The following CHLSN variants were observed in gnomAD, a reference collection of about 807,000 sequenced individuals.
CHLSN encodes protein cholesin.
At chr7:997,188 C>T in the CHLSN span, 5 of 156,584 alleles carry the variant, frequency 3.2e-5, 1 homozygote, top group South Asian at 1.0e-3. Context: ...ACCAGGAATG[C>T]GGCCCACGCA....
At chr7:1,012,273 T>C in the CHLSN span, among the ~76,000 whole-genome samples, 1 of 152,136 alleles carries the variant, frequency 6.6e-6, no homozygotes, top group Non-Finnish European at 1.5e-5. Context: ...CCTGAGCAGG[T>C]GGGCAGGGCC....
the CHLSN span, among the ~76,000 whole-genome samples, chr7:989,827 G>T: frequency 9.4e-5 from 14 of 148,498 alleles, no homozygotes; most frequent in African/African-American, 3.2e-4. Context: ...CATGTGCTGG[G>T]GGCGGTGTGG....
the CHLSN span, among the ~76,000 whole-genome samples, chr7:1,075,147 C>T: frequency 6.6e-6 from 1 of 152,206 alleles, no homozygotes; most frequent in Non-Finnish European, 1.5e-5. Flanking sequence ...CTGAATTCTC[C>T]TGAGGACCAA....
chr7:1,045,595 C>T, the CHLSN span: 2 of 152,220 alleles, frequency 1.3e-5, no homozygotes, highest in Non-Finnish European at 1.5e-5. Context: ...ACCGTCCTAA[C>T]TGGGGCACCG....
the CHLSN span, among the ~76,000 whole-genome samples, chr7:1,001,610 C>T: frequency 5.5e-5 from 5 of 91,338 alleles, no homozygotes; most frequent in African/African-American, 2.3e-4. Context: ...GGTGGGGGGT[C>T]CTGCCGGTGG....
chr7:1,114,682 T>A, the CHLSN span, among the ~76,000 whole-genome samples: 1 of 152,184 alleles, frequency 6.6e-6, no homozygotes, highest in Non-Finnish European at 1.5e-5. Context: ...AAAGAGATGG[T>A]GATCAGGAAC....
the CHLSN span, among the ~76,000 whole-genome samples, chr7:1,023,623 A>ACG: frequency 8.3e-6 from 1 of 120,370 alleles, no homozygotes; most frequent in South Asian, 2.9e-4. This position sits in a 1 kb window ranked among gnomAD's most constrained non-coding sequence, Gnocchi z 5.0. Context: ...TCCTCCCAGG[A>ACG]AACACACACA....
the CHLSN span, chr7:984,564 G>C: frequency 6.4e-7 from 1 of 1,561,636 alleles, no homozygotes; most frequent in Non-Finnish European, 8.6e-7. Flanking sequence ...AGCTCATCCA[G>C]CGAGGTGGAG....
chr7:1,091,860 T>C, the CHLSN span: 1 of 1,612,720 alleles, frequency 6.2e-7, no homozygotes, highest in Non-Finnish European at 8.5e-7. Context: ...CCCTGGCCAA[T>C]GGGACAGGTG....
the CHLSN span, among the ~76,000 whole-genome samples, chr7:1,015,943 C>A: frequency 6.6e-6 from 1 of 152,160 alleles, no homozygotes; most frequent in African/African-American, 2.4e-5. Context: ...CTCCTGACGC[C>A]CCTCAGTGAC....
the CHLSN span, among the ~76,000 whole-genome samples, chr7:1,133,468 C>T: frequency 0.017 from 2,592 of 150,594 alleles, 88 homozygotes; most frequent in East Asian, 0.17. Flanking sequence ...CACCCAAGTG[C>T]GGCCAGGCAC....
the CHLSN span, chr7:997,664 C>T: frequency 6.2e-7 from 1 of 1,609,968 alleles, no homozygotes; most frequent in East Asian, 2.2e-5. Flanking sequence ...TGCGCTGGGC[C>T]CTCCCCGGCA....
the CHLSN span, chr7:1,093,787 G>T: frequency 2.4e-6 from 1 of 425,040 alleles, no homozygotes; most frequent in Admixed American, 2.5e-5. Context: ...TTCAGCCTTT[G>T]TCAATAAACC....
the CHLSN span, among the ~76,000 whole-genome samples, chr7:1,032,892 C>A: frequency 2.0e-5 from 3 of 152,240 alleles, no homozygotes; most frequent in African/African-American, 7.2e-5. Context: ...ACACTGTCTG[C>A]CTGACCAATC....
At chr7:1,020,202 C>T in the CHLSN span, among the ~76,000 whole-genome samples, 3 of 152,190 alleles carry the variant, frequency 2.0e-5, no homozygotes, top group African/African-American at 7.2e-5. Flanking sequence ...TCCCACGCCG[C>T]GGAGTGCATT....
the CHLSN span, among the ~76,000 whole-genome samples, chr7:987,699 T>G: frequency 6.6e-6 from 1 of 152,166 alleles, no homozygotes; most frequent in South Asian, 2.1e-4. Context: ...GGCAGCCCTC[T>G]CACCCCACAG....
chr7:996,461 A>G, the CHLSN span, among the ~76,000 whole-genome samples: 2 of 152,166 alleles, frequency 1.3e-5, no homozygotes, highest in African/African-American at 4.8e-5. Context: ...GGGAGCACTG[A>G]GACGGCAGCA....
the CHLSN span, among the ~76,000 whole-genome samples, chr7:1,090,155 T>C: frequency 3.9e-5 from 6 of 152,184 alleles, no homozygotes; most frequent in African/African-American, 1.4e-4. Flanking sequence ...CAAACCCATT[T>C]TGAAGTGTTA....
At chr7:1,096,318 C>A in the CHLSN span, among the ~76,000 whole-genome samples, 1 of 152,158 alleles carries the variant, frequency 6.6e-6, no homozygotes, top group Non-Finnish European at 1.5e-5. This position sits in a 1 kb window ranked among gnomAD's most constrained non-coding sequence, Gnocchi z 4.6. Context: ...GCCAGTCACA[C>A]GAGCGACAGG....
Sources: allele counts gnomAD v4.1 joint callset (sites outside exome capture counted in the v4.1 genomes callset), GRCh38; gene constraint gnomAD v4.1.1; non-coding constraint Gnocchi (gnomAD v3.1); transcripts MANE v1.5; gene names NCBI Gene and HGNC (gene_info 2026-07-23, HGNC 2026-07-21).